The following SLCO1A2 variants were observed in gnomAD, a reference collection of about 807,000 sequenced individuals.
The protein encoded by SLCO1A2 is solute carrier organic anion transporter family member 1A2.
A neutral mutation model predicts 69.0 loss-of-function variants in SLCO1A2; 67 were observed. The ratio of observed to expected loss-of-function variants is 0.97; its 90% CI spans 0.80 to 1.19. SLCO1A2 has a LOEUF of 1.19. SLCO1A2 is among the 50% of genes most tolerant of loss of function. SLCO1A2 has a pLI of 0.00. For missense variants in SLCO1A2, 787 were observed against 793.7 expected (o/e 0.99, Z 0.10); for synonymous variants, 260 against 265.9 (o/e 0.98, Z 0.22).
chr12:21,415,293 T>C (rs1941972058), intron 1 of SLCO1A2, among the ~76,000 whole-genome samples: 1 of 152,150 alleles, frequency 6.6e-6, no homozygotes, highest in South Asian at 2.1e-4. Flanking sequence ...ATCTAGACTT[T>C]CAACTTTGCA....
At chr12:21,416,612 C>CT (rs964323127) in intron 1 of SLCO1A2, among the ~76,000 whole-genome samples, 38 of 146,794 alleles carry the variant, frequency 2.6e-4, no homozygotes, top group African/African-American at 3.5e-4. Context: ...TCTTGTTTAA[C>CT]TTTTTTTTTT....
At chr12:21,387,831 C>T (rs1290883014) in intron 1 of SLCO1A2, among the ~76,000 whole-genome samples, 1 of 152,148 alleles carries the variant, frequency 6.6e-6, no homozygotes, top group African/African-American at 2.4e-5. Flanking sequence ...CTGGAAAAGC[C>T]ACAGACACGC....
intron 4 of SLCO1A2, among the ~76,000 whole-genome samples, chr12:21,313,985 A>C (rs113832975): frequency 1.3e-4 from 19 of 147,722 alleles, no homozygotes; most frequent in African/African-American, 4.7e-4. Flanking sequence ...TAAATAATAA[A>C]AAAAAAAAAC....
chr12:21,303,268 A>G (rs556021770), intron 6 of SLCO1A2, among the ~76,000 whole-genome samples: 6 of 152,282 alleles, frequency 3.9e-5, no homozygotes, highest in African/African-American at 1.4e-4. Flanking sequence ...ATAATACACC[A>G]TAGTATTTGT....
chr12:21,328,617 T>C (rs548843028), intron 2 of SLCO1A2, among the ~76,000 whole-genome samples: 1 of 152,260 alleles, frequency 6.6e-6, no homozygotes, highest in East Asian at 1.9e-4. Context: ...CACCCTGCCC[T>C]ACAATACCAT....
At chr12:21,356,214 A>C (rs1018305600) in intron 2 of SLCO1A2, among the ~76,000 whole-genome samples, 3 of 151,966 alleles carry the variant, frequency 2.0e-5, no homozygotes, top group Non-Finnish European at 4.4e-5. Context: ...GTAAGAATTA[A>C]ATTTAAAATA....
In SLCO1A2 at chr12:21,266,635, G is replaced by A. The variant is rs1463717594; in HGVS notation, c.*2913C>T. 1 of 152,018 alleles carries A rather than the reference G, an allele frequency of 6.6e-6. No homozygotes were observed. Among genetic ancestry groups the A allele is most frequent in the African/African-American group, 2.4e-5 (1 of 41,394 alleles). 9.4% of individuals were successfully genotyped at this position (152,018 alleles called of 1,614,324 possible). A position where few individuals can be genotyped will look rare whatever the true frequency, so the allele number is the denominator to read the frequency against. On this transcript the variant is annotated 3_prime_UTR_variant, in exon 15 of 15. Coordinates refer to ENST00000683939, the MANE Select transcript of SLCO1A2 (RefSeq NM_001386879.1). Reference sequence around the variant, plus strand: ...GATCGCCCTTCTGGGAGGAGGAAAAGTTCCTTATGGAGAGCTCAACCCCAG... The same window carrying A: ...GATCGCCCTTCTGGGAGGAGGAAAAATTCCTTATGGAGAGCTCAACCCCAG...
intron 1 of SLCO1A2, among the ~76,000 whole-genome samples, chr12:21,412,253 C>T (rs1400033044): frequency 1.7e-4 from 26 of 151,856 alleles, no homozygotes; most frequent in African/African-American, 3.9e-4. Flanking sequence ...TGGTGGCGGG[C>T]GCCTGTAGTC....
chr12:21,330,298 G>T (rs1352510793), intron 2 of SLCO1A2, among the ~76,000 whole-genome samples: 3 of 151,968 alleles, frequency 2.0e-5, no homozygotes, highest in Non-Finnish European at 4.4e-5. Context: ...TTCGAGACCA[G>T]CCTGGGCAAC....
intron 2 of SLCO1A2, among the ~76,000 whole-genome samples, chr12:21,329,767 C>T (rs894594213): frequency 2.7e-5 from 4 of 150,852 alleles, no homozygotes; most frequent in East Asian, 1.9e-4. Context: ...AAAAAAAATT[C>T]TTTAGCAAAA....
At chr12:21,319,238 A>C in intron 2 of SLCO1A2, 1 of 871,896 alleles carries the variant, frequency 1.1e-6, no homozygotes, top group South Asian at 1.4e-5. Context: ...TCAGAGCTAC[A>C]ATGATATCTA....
chr12:21,292,278 A>G lies in SLCO1A2; in HGVS notation c.1496T>C (p.Leu499Pro). The change falls in exon 12 of 15, where the codon CTG becomes CCG. Residue 499 changes from leucine (L) to proline (P), a missense_variant. Physicochemically the swap from Leu to Pro is moderately conservative, Grantham distance 98. Transcript: ENST00000683939. ...TSGNSSAVLG[L>P]CDKGPDCSLM... The stretch of plus-strand genomic sequence containing the variant: ...GGAACAGTCAGGTCCTTTGTCGCAC[A>G]GCCCAAGAACTGCAGATGAATTTCC... 1 of 1,613,148 alleles carries G rather than the reference A, an allele frequency of 6.2e-7. No individual in the cohort carries two copies. Among genetic ancestry groups the G allele is most frequent in the African/African-American group, 1.3e-5 (1 of 75,064 alleles).
Position 21,300,466 on chromosome 12 carries a change from GA to G in SLCO1A2, c.791del (p.Phe264SerfsTer12), listed in dbSNP as rs751924085. The part of the protein sequence containing the change: ...GVNVLTAIPF[F>X]FLPNTLPKEG... ...CCTTTGGAAGTGTGTTGGGCAAAAA[GA>G]AAAAAGGAATGGCAGTGAGCACGTT... On this transcript the variant is annotated frameshift_variant, in exon 8 of 15. Transcript: ENST00000683939. LOFTEE classifies it high-confidence loss of function. 6.2e-7 allele frequency: 1 copy of G among 1,613,394 alleles called. No homozygotes were observed. Among genetic ancestry groups the G allele is most frequent in the South Asian group, 1.1e-5 (1 of 91,048 alleles).
intron 1 of SLCO1A2, among the ~76,000 whole-genome samples, chr12:21,402,473 T>G (rs967804188): frequency 2.0e-5 from 3 of 152,138 alleles, no homozygotes; most frequent in African/African-American, 7.2e-5. Context: ...CACAATACCC[T>G]TATTTTTGCA....
intron 14 of SLCO1A2, 137 bp downstream of exon 14, chr12:21,274,332 A>G: frequency 3.7e-6 from 2 of 536,718 alleles, no homozygotes; most frequent in Non-Finnish European, 6.7e-6. Flanking sequence ...GAATGGAGAT[A>G]TAACATCAGT....
At chr12:21,354,746 C>T (rs1938226538) in intron 2 of SLCO1A2, among the ~76,000 whole-genome samples, 1 of 152,132 alleles carries the variant, frequency 6.6e-6, no homozygotes, top group African/African-American at 2.4e-5. Flanking sequence ...TCATGTAACA[C>T]TCATAACAAC....
rs142695483 is a variant in SLCO1A2 at position 21,378,348 on chromosome 12, C to T, written c.-189-3823G>A. ...TTGGTGCCATTCTCTCATCTACCAA[C>T]GTGGGATCCAATACATATGGCAAGA... On this transcript the variant is annotated intron_variant, in intron 1 of 15. Coordinates refer to the SLCO1A2 transcript ENST00000307378. 1,908 of 1,614,076 alleles carry T rather than the reference C, an allele frequency of 1.2e-3. 16 individuals carry two copies. The highest frequency in any genetic ancestry group is 5.1e-3 in the Middle Eastern group (31 of 6,062).
At chr12:21,400,882 TGG>T (rs1331353389) in intron 1 of SLCO1A2, among the ~76,000 whole-genome samples, 4 of 61,112 alleles carry the variant, frequency 6.5e-5, no homozygotes, top group South Asian at 7.0e-4. Flanking sequence ...TGTTGTGGGG[TGG>T]GGGGAGGGGG....
At chr12:21,414,928 C>G (rs1287355075) in intron 1 of SLCO1A2, among the ~76,000 whole-genome samples, 1 of 151,904 alleles carries the variant, frequency 6.6e-6, no homozygotes, top group Non-Finnish European at 1.5e-5. Flanking sequence ...TTATTTTGTA[C>G]CTTAAAGTCT....
Sources: allele counts gnomAD v4.1 joint callset (sites outside exome capture counted in the v4.1 genomes callset), GRCh38; gene constraint gnomAD v4.1.1; transcripts MANE v1.5; gene names NCBI Gene and HGNC (gene_info 2026-07-23, HGNC 2026-07-21).